Variants in LDB2 observed in about 807,000 individuals in gnomAD.
The protein encoded by LDB2 is LIM domain binding 2, also known as LIM domain-binding protein 2.
In LDB2, 12 loss-of-function variants were observed where a neutral mutation model predicts 44.3. The observed-to-expected ratio is 0.27, with a 90% CI of 0.17 to 0.44. The LOEUF is 0.44. Among genes scored for constraint, LDB2 ranks in the 20% least tolerant of loss-of-function variants. The pLI is 1.00. For synonymous variants in LDB2, 164 were observed against 174.8 expected, an observed-to-expected ratio of 0.94 and a Z score of 0.49; for missense variants, 344 against 473.5, an observed-to-expected ratio of 0.73 and a Z score of 2.54.
chr4:16,567,590 G>A (rs1745005759), intron 5 of LDB2, among the ~76,000 whole-genome samples: 1 of 152,116 alleles, frequency 6.6e-6, no homozygotes, highest in African/African-American at 2.4e-5. Context: ...CTAATGTGGT[G>A]AAACCCTGTC....
At chr4:16,750,209 G>C (rs573156819) in intron 2 of LDB2, among the ~76,000 whole-genome samples, 1 of 152,230 alleles carries the variant, frequency 6.6e-6, no homozygotes, top group African/African-American at 2.4e-5. Context: ...TCATTATGCT[G>C]TACATTAGGT....
intron 5 of LDB2, among the ~76,000 whole-genome samples, chr4:16,519,054 A>T (rs1255371153): frequency 6.6e-6 from 1 of 152,174 alleles, no homozygotes; most frequent in Non-Finnish European, 1.5e-5. Flanking sequence ...CCCAGTGTTT[A>T]TATTTGCATT....
At chr4:16,841,017 T>A (rs1008503230) in intron 1 of LDB2, among the ~76,000 whole-genome samples, 8 of 152,214 alleles carry the variant, frequency 5.3e-5, no homozygotes, top group African/African-American at 1.9e-4. Context: ...CGTCTCTGCA[T>A]GCACATTCAA....
intron 1 of LDB2, among the ~76,000 whole-genome samples, chr4:16,867,979 A>T (rs1715263189): frequency 6.6e-6 from 1 of 152,206 alleles, no homozygotes. Flanking sequence ...GCTATCCCTG[A>T]TAAAGTCCAG....
intron 2 of LDB2, among the ~76,000 whole-genome samples, chr4:16,617,010 T>C (rs762870004): frequency 1.6e-4 from 25 of 152,036 alleles, no homozygotes; most frequent in Non-Finnish European, 3.2e-4. Context: ...TCCCCTTTCC[T>C]CTCCCCCAAG....
At chr4:16,725,242 T>TCACACA (rs144411578) in intron 2 of LDB2, among the ~76,000 whole-genome samples, 11 of 149,502 alleles carry the variant, frequency 7.4e-5, no homozygotes, top group African/African-American at 1.5e-4. Context: ...ATACACAAGT[T>TCACACA]CACACACACA....
At chr4:16,511,712 A>G (rs932787318) in intron 6 of LDB2, among the ~76,000 whole-genome samples, 2 of 152,200 alleles carry the variant, frequency 1.3e-5, no homozygotes, top group Admixed American at 6.5e-5. Context: ...AGCTTTGCCA[A>G]TGACCTTCTT....
At chr4:16,712,618 A>G (rs938474658) in intron 2 of LDB2, among the ~76,000 whole-genome samples, 1 of 152,142 alleles carries the variant, frequency 6.6e-6, no homozygotes, top group Admixed American at 6.6e-5. Flanking sequence ...AAAAATGCTC[A>G]ACATCATTAG....
chr4:16,668,261 G>A (rs894000296), intron 2 of LDB2, among the ~76,000 whole-genome samples: 2 of 152,080 alleles, frequency 1.3e-5, no homozygotes, highest in African/African-American at 4.8e-5. Context: ...TTGGTTCCAG[G>A]AGAACCCAGA....
At chr4:16,565,260 C>A (rs1331233827) in intron 5 of LDB2, among the ~76,000 whole-genome samples, 2 of 152,080 alleles carry the variant, frequency 1.3e-5, no homozygotes, top group Non-Finnish European at 2.9e-5. Context: ...TAGTTCTAAG[C>A]TGGGCAAAGA....
At chr4:16,845,342 C>A (rs1373561564) in intron 1 of LDB2, among the ~76,000 whole-genome samples, 2 of 152,148 alleles carry the variant, frequency 1.3e-5, no homozygotes, top group African/African-American at 4.8e-5. Flanking sequence ...TGTGACTATC[C>A]CATGGCCGCC....
intron 3 of LDB2, among the ~76,000 whole-genome samples, chr4:16,594,124 A>T (rs1206616425): frequency 1.3e-5 from 2 of 151,670 alleles, no homozygotes; most frequent in Non-Finnish European, 2.9e-5. Context: ...AGGAGTTGGT[A>T]TGTTTCTCTT....
At chr4:16,727,982 A>T (rs1228462338) in intron 2 of LDB2, among the ~76,000 whole-genome samples, 1 of 152,208 alleles carries the variant, frequency 6.6e-6, no homozygotes, top group African/African-American at 2.4e-5. Flanking sequence ...CCATTTAAAA[A>T]TGGAGCCAAG....
At chr4:16,825,786 G>A (rs778446328) in intron 1 of LDB2, among the ~76,000 whole-genome samples, 14 of 152,008 alleles carry the variant, frequency 9.2e-5, no homozygotes, top group Non-Finnish European at 1.9e-4. Context: ...CTGAACATAG[G>A]AATTAAATGA....
In LDB2 at chr4:16,561,079, G is replaced by A. The variant is rs561044388; in HGVS notation, c.615+24843C>T. On this transcript the variant is annotated intron_variant, in intron 5 of 7. Coordinates refer to ENST00000304523, the MANE Select transcript of LDB2 (RefSeq NM_001290.5). Reference sequence around the variant, plus strand: ...GATGGGACATATCTCAAAATAATAAGAGCTATCTATGACAAACCCACAGCC... The same window carrying A: ...GATGGGACATATCTCAAAATAATAAAAGCTATCTATGACAAACCCACAGCC... Among the ~76,000 whole-genome samples, 12 of 152,092 alleles carry A rather than the reference G, an allele frequency of 7.9e-5. No homozygotes were observed. In the South Asian group the frequency reaches 2.3e-3, roughly 29 times the overall value.
chr4:16,771,053 G>C (rs1770550539), intron 1 of LDB2, among the ~76,000 whole-genome samples: 1 of 152,148 alleles, frequency 6.6e-6, no homozygotes. Context: ...ACAAGGGAAT[G>C]TTTCTGGAAA....
intron 2 of LDB2, among the ~76,000 whole-genome samples, chr4:16,679,993 C>T (rs1170995898): frequency 6.6e-6 from 1 of 152,110 alleles, no homozygotes; most frequent in Non-Finnish European, 1.5e-5. Flanking sequence ...TCTTTATAAG[C>T]CCCCCAAATT....
chr4:16,820,493 C>G (rs1186248238), intron 1 of LDB2, among the ~76,000 whole-genome samples: 1 of 152,146 alleles, frequency 6.6e-6, no homozygotes, highest in African/African-American at 2.4e-5. Flanking sequence ...ATGACTTCAG[C>G]AGTGCAGGTC....
At chr4:16,517,879 GTGGATGGATGGA>G (rs34267672) in intron 5 of LDB2, among the ~76,000 whole-genome samples, 2,026 of 148,738 alleles carry the variant, frequency 0.014, 26 homozygotes, top group African/African-American at 0.036. Context: ...TGATGAATGA[GTGGATGGATGGA>G]TGGATGGATG....
Sources: allele counts gnomAD v4.1 joint callset (sites outside exome capture counted in the v4.1 genomes callset), GRCh38; gene constraint gnomAD v4.1.1; transcripts MANE v1.5; gene names NCBI Gene and HGNC (gene_info 2026-07-23, HGNC 2026-07-21).